The following ERBB4 variants were observed in gnomAD, a reference collection of about 807,000 sequenced individuals.
ERBB4 encodes receptor tyrosine-protein kinase erbB-4.
ERBB4 carries 42 observed loss-of-function variants against 158.0 expected under a neutral mutation model. The ratio of observed to expected loss-of-function variants is 0.27; its 90% CI spans 0.21 to 0.34. The LOEUF (loss-of-function observed/expected upper bound fraction) is 0.34, where lower values mean the gene tolerates loss of function less well. Among genes scored for constraint, ERBB4 ranks in the 10% least tolerant of loss-of-function variants. ERBB4 has a pLI of 1.00. For synonymous variants in ERBB4, 583 were observed against 558.7 expected, an observed-to-expected ratio of 1.04 and a Z score of -0.61; for missense variants, 1,333 against 1,624.1, an observed-to-expected ratio of 0.82 and a Z score of 3.08.
At chr2:211,465,145 C>A (rs757749060) in intron 20 of ERBB4, among the ~76,000 whole-genome samples, 3 of 152,010 alleles carry the variant, frequency 2.0e-5, no homozygotes, top group Non-Finnish European at 4.4e-5. Context: ...CCACACCCAG[C>A]GAGCTTACAT....
intron 1 of ERBB4, among the ~76,000 whole-genome samples, chr2:212,510,976 T>C (rs565128514): frequency 6.6e-6 from 1 of 152,118 alleles, no homozygotes; most frequent in African/African-American, 2.4e-5. Context: ...AAAATACTAA[T>C]AAGAATATAT....
chr2:211,976,532 G>A (rs146825776), intron 2 of ERBB4, among the ~76,000 whole-genome samples: 177 of 152,216 alleles, frequency 1.2e-3, no homozygotes, highest in Non-Finnish European at 1.9e-3. Flanking sequence ...AGGTTACTCA[G>A]AAATGAGTGA....
chr2:211,734,578 T>C (rs62182994), intron 5 of ERBB4, among the ~76,000 whole-genome samples: 33,259 of 139,540 alleles, frequency 0.24, 4,421 homozygotes, highest in Non-Finnish European at 0.31. Flanking sequence ...ATTGGTTAAG[T>C]AAATTATAGC....
intron 1 of ERBB4, among the ~76,000 whole-genome samples, chr2:212,169,192 A>G (rs928744180): frequency 6.1e-4 from 93 of 152,150 alleles, no homozygotes; most frequent in African/African-American, 2.0e-3. Flanking sequence ...AAATGTTGGT[A>G]TGAGTACGTA....
chr2:211,413,518 A>ACAAT (rs1321771697), intron 25 of ERBB4, among the ~76,000 whole-genome samples: 1 of 152,090 alleles, frequency 6.6e-6, no homozygotes, highest in Non-Finnish European at 1.5e-5. Flanking sequence ...TCCTGAGACT[A>ACAAT]CAATCATTTA....
At chr2:211,776,042 G>A (rs2075866642) in intron 4 of ERBB4, among the ~76,000 whole-genome samples, 1 of 152,282 alleles carries the variant, frequency 6.6e-6, no homozygotes, top group Admixed American at 6.5e-5. Context: ...TGAGTTTTAA[G>A]CTGTTGCTTG....
At chr2:212,015,102 AT>A (rs2076495090) in intron 2 of ERBB4, among the ~76,000 whole-genome samples, 1 of 80,602 alleles carries the variant, frequency 1.2e-5, no homozygotes, top group African/African-American at 5.5e-5. Flanking sequence ...ATATATATAT[AT>A]ATATATATAA....
At chr2:211,813,071 A>G (rs555142715) in intron 3 of ERBB4, among the ~76,000 whole-genome samples, 80 of 152,266 alleles carry the variant, frequency 5.3e-4, no homozygotes, top group South Asian at 4.1e-3. Context: ...AATAGTCCCA[A>G]TGAGATGAAC....
chr2:212,145,502 G>T (rs1362920159), intron 1 of ERBB4, among the ~76,000 whole-genome samples: 1 of 152,058 alleles, frequency 6.6e-6, no homozygotes, highest in Non-Finnish European at 1.5e-5. Flanking sequence ...TAAAGAGAAA[G>T]GGAGAAGGCA....
intron 20 of ERBB4, among the ~76,000 whole-genome samples, chr2:211,534,990 T>C (rs977349915): frequency 6.6e-6 from 1 of 152,088 alleles, no homozygotes; most frequent in African/African-American, 2.4e-5. Flanking sequence ...GGGAAATTTA[T>C]ACTATGTCTA....
At chr2:212,243,445 A>AC (rs35680562) in intron 1 of ERBB4, among the ~76,000 whole-genome samples, 6,038 of 152,280 alleles carry the variant, frequency 0.04, 161 homozygotes, top group South Asian at 0.075. Flanking sequence ...CCATATAAAG[A>AC]AAAAGAAAAG....
At chr2:211,767,330 TAC>T (rs923476577) in intron 4 of ERBB4, among the ~76,000 whole-genome samples, 1 of 152,212 alleles carries the variant, frequency 6.6e-6, no homozygotes, top group South Asian at 2.1e-4. Flanking sequence ...CATTCAATTT[TAC>T]ACAGTTACTT....
At chr2:212,065,951 A>G (rs1429704090) in intron 2 of ERBB4, among the ~76,000 whole-genome samples, 1 of 152,038 alleles carries the variant, frequency 6.6e-6, no homozygotes, top group Non-Finnish European at 1.5e-5. Flanking sequence ...AGTCTGGTTG[A>G]AAGCAGTTGG....
intron 3 of ERBB4, among the ~76,000 whole-genome samples, chr2:211,889,902 A>T (rs1473383878): frequency 7.0e-6 from 1 of 142,218 alleles, no homozygotes; most frequent in African/African-American, 2.7e-5. Context: ...ATATGGGACT[A>T]TGTGAAAAGA....
intron 1 of ERBB4, among the ~76,000 whole-genome samples, chr2:212,248,589 T>C (rs2084398724): frequency 6.6e-6 from 1 of 152,124 alleles, no homozygotes; most frequent in Admixed American, 6.6e-5. Flanking sequence ...CAGACTACAA[T>C]CTTGGAGTTA....
chr2:211,539,712 A>G (rs1389182560), intron 20 of ERBB4, among the ~76,000 whole-genome samples: 3 of 151,976 alleles, frequency 2.0e-5, no homozygotes, highest in Non-Finnish European at 4.4e-5. Context: ...GCCATACTAT[A>G]CAAGCCTCCT....
chr2:211,553,233 T>G (rs1014964065), intron 20 of ERBB4, among the ~76,000 whole-genome samples: 1 of 151,954 alleles, frequency 6.6e-6, no homozygotes, highest in African/African-American at 2.4e-5. Context: ...CCTCCCAAAA[T>G]GCTGAGATTA....
intron 4 of ERBB4, among the ~76,000 whole-genome samples, chr2:211,772,939 ATATATATATATATATATT>A (rs2075750123): frequency 1.1e-5 from 1 of 88,874 alleles, no homozygotes; most frequent in Admixed American, 1.1e-4. Flanking sequence ...ATATATATAT[ATATATATATATATATATT>A]TTTTTTTTTA....
chr2:211,531,124 A>G (rs1427734515), intron 20 of ERBB4, among the ~76,000 whole-genome samples: 1 of 152,144 alleles, frequency 6.6e-6, no homozygotes, highest in Non-Finnish European at 1.5e-5. Flanking sequence ...TACAAGAATT[A>G]AACTAGACCC....
Sources: gnomAD v4.1 joint callset for allele counts (sites outside exome capture counted in the v4.1 genomes callset) on GRCh38, gnomAD v4.1.1 for gene constraint, MANE v1.5 for transcripts, NCBI Gene and HGNC (gene_info 2026-07-23, HGNC 2026-07-21) for gene names.